The following KLF16 variants were observed in gnomAD, a reference collection of about 807,000 sequenced individuals.
KLF16 encodes KLF transcription factor 16.
Under a neutral mutation model 6.1 loss-of-function variants are expected in KLF16, and 6 were observed. That is an observed-to-expected ratio of 0.98 (90% CI 0.54 to 1.93). The LOEUF is 1.93. Ranked by LOEUF, KLF16 falls within the 30% of genes most tolerant of loss-of-function variation. The probability of loss-of-function intolerance (pLI) is 0.01; values close to 1 mark genes in which losing one functional copy is unlikely to be tolerated. For missense variants in KLF16, 355 were observed against 363.8 expected (o/e 0.98, Z 0.20); for synonymous variants, 211 against 176.5 (o/e 1.20, Z -1.55).
Position 1,863,217 on chromosome 19 carries a change from G to A in KLF16, c.281C>T (p.Ala94Val). 23 of 1,124,636 alleles carry A rather than the reference G, an allele frequency of 2.0e-5. No homozygotes were observed. Among genetic ancestry groups the A allele is most frequent in the Non-Finnish European group, 2.5e-5 (23 of 915,318 alleles). 69.7% of individuals were successfully genotyped at this position (1,124,636 alleles called of 1,614,324 possible). The change falls in exon 1 of 2, where the codon GCC becomes GTC. Residue 94 changes from alanine (A) to valine (V), a missense_variant. Ala to Val is a moderately conservative substitution (Grantham distance 64). Coordinates refer to ENST00000250916, the MANE Select transcript of KLF16 (RefSeq NM_031918.4). ...GGAGGCGGGCGAGGCGCCCCCCGGGGCGGCTCCGGGTCCGCCGCGCAGGTC... is the reference window on the plus strand; with the variant it reads ...GGAGGCGGGCGAGGCGCCCCCCGGGACGGCTCCGGGTCCGCCGCGCAGGTC... ...LADLRGGPGA[A>V]PGGASPASSS... is the part of the protein sequence containing the mutation.
rs1482672981 is a variant in KLF16, at chr19:1,857,215, T to G, written c.458-2455A>C. ...GGGTGCACGGGCTACCCACCCACGC[T>G]GCGCTGGGCGAAGCGCCTCTGCGAA... is the stretch of plus-strand genomic sequence containing the variant. On this transcript the variant is annotated intron_variant, in intron 1 of 1. Coordinates refer to ENST00000250916, the MANE Select transcript of KLF16 (RefSeq NM_031918.4). The surrounding 1 kb of genome is among the most constrained non-coding windows in gnomAD (Gnocchi z 4.7). 6.6e-6 allele frequency among the ~76,000 whole-genome samples: 1 copy of G among 152,166 alleles called. No individual in the cohort carries two copies. The highest frequency in any genetic ancestry group is 2.4e-5 in the African/African-American group (1 of 41,442).
chr19:1,863,488 C>T lies in KLF16; in HGVS notation c.10G>A (p.Ala4Thr). The T allele has an allele frequency of 2.9e-6, 3 of 1,022,696 alleles. No homozygotes were observed. Among genetic ancestry groups the T allele is most frequent in the South Asian group, 3.2e-5 (1 of 30,902 alleles). 63.4% of individuals were successfully genotyped at this position (1,022,696 alleles called of 1,614,324 possible). Residue 4 changes from alanine to threonine, a missense_variant, in exon 1 of 2, where the codon GCC becomes ACC. Ala to Thr is a moderately conservative substitution (Grantham distance 58). Coordinates refer to ENST00000250916, the MANE Select transcript of KLF16 (RefSeq NM_031918.4). ...GCGAAGTAATCCACGCACGCCACGG[C>T]CGCCGACATGCCGAGCAAGGGCGCG... MSA[A>T]VACVDYFAAD...
intron 1 of KLF16, among the ~76,000 whole-genome samples, chr19:1,858,170 C>G (rs560551076): frequency 2.0e-4 from 31 of 152,272 alleles, no homozygotes; most frequent in African/African-American, 7.0e-4. Context: ...GTGCCACCTG[C>G]CAGCCAAATC....
In KLF16 at chr19:1,854,770, G is replaced by A. The variant is rs1424928417; in HGVS notation, c.458-10C>T. Reference sequence around the variant, plus strand: ...GCAAAAGGGCGTTCCCCTGGACGGAGAGACAGAGACAGACAGCGGGTCAGC... The same window carrying A: ...GCAAAAGGGCGTTCCCCTGGACGGAAAGACAGAGACAGACAGCGGGTCAGC... On this transcript the variant is annotated splice_polypyrimidine_tract_variant and intron_variant, in intron 1 of 1. Coordinates refer to ENST00000250916, the MANE Select transcript of KLF16 (RefSeq NM_031918.4). 1.3e-6 allele frequency: 2 copies of A among 1,597,236 alleles called. No individual in the cohort carries two copies. Among genetic ancestry groups the A allele is most frequent in the South Asian group, 2.2e-5 (2 of 90,808 alleles).
chr19:1,867,552 C>T (rs757317809), upstream of KLF16, among the ~76,000 whole-genome samples: 1 of 152,000 alleles, frequency 6.6e-6, no homozygotes, highest in African/African-American at 2.4e-5. Context: ...GGCAACAGAG[C>T]GAGATCCTGT....
chr19:1,873,372 C>A, the KLF16 span, among the ~76,000 whole-genome samples: 1 of 152,202 alleles, frequency 6.6e-6, no homozygotes, highest in Admixed American at 6.5e-5. Flanking sequence ...TAGCCCACAT[C>A]TCAGGCAAGC....
At position 1,857,280 on chromosome 19, in the gene KLF16, G is replaced by A. The variant is rs2011973192; in HGVS notation, c.458-2520C>T. Among the ~76,000 whole-genome samples the A allele has an allele frequency of 6.6e-6, 1 of 152,254 alleles. No individual in the cohort carries two copies. Among genetic ancestry groups the A allele is most frequent in the South Asian group, 2.1e-4 (1 of 4,838 alleles). On this transcript the variant is annotated intron_variant, in intron 1 of 1. Transcript: ENST00000250916. The surrounding 1 kb of genome is among the most constrained non-coding windows in gnomAD (Gnocchi z 4.7). Reference sequence around the variant, plus strand: ...CTCGCACACAATCCACTCGCAGGGAGGAGGGTGGGGTGAACTTGTGGGGGC... The same window carrying A: ...CTCGCACACAATCCACTCGCAGGGAAGAGGGTGGGGTGAACTTGTGGGGGC...
chr19:1,872,503 G>A, the KLF16 span, among the ~76,000 whole-genome samples: 1 of 152,202 alleles, frequency 6.6e-6, no homozygotes, highest in Admixed American at 6.5e-5. Context: ...GCCTGGGCCT[G>A]TTCCCTCCGT....
At chr19:1,874,032 T>C in the KLF16 span, among the ~76,000 whole-genome samples, 1 of 152,224 alleles carries the variant, frequency 6.6e-6, no homozygotes, top group Non-Finnish European at 1.5e-5. Context: ...CGGCCCCAAA[T>C]ACTTCGATTT....
upstream of KLF16, among the ~76,000 whole-genome samples, chr19:1,867,210 G>A (rs747573200): frequency 6.8e-4 from 104 of 152,216 alleles, no homozygotes; most frequent in Non-Finnish European, 6.6e-4. Context: ...GACAGATGAG[G>A]GCAGAGGTCA....
In KLF16 at chr19:1,863,099, G is replaced by A. The variant is rs776758924; in HGVS notation, c.399C>T (p.Asp133=). 42 of 1,398,346 alleles carry A rather than the reference G, an allele frequency of 3.0e-5. 1 individual carries two copies. In the South Asian group the frequency reaches 5.2e-4, roughly 17 times the overall value. 86.6% of individuals were successfully genotyped at this position (1,398,346 alleles called of 1,614,324 possible). A position where few individuals can be genotyped will look rare whatever the true frequency, so the allele number is the denominator to read the frequency against. The change falls in exon 1 of 2, where the codon GAC becomes GAT. Residue 133 remains aspartate (D), a synonymous_variant. Coordinates refer to ENST00000250916, the MANE Select transcript of KLF16 (RefSeq NM_031918.4). ...AAKSHRCPFP[D]CAKAYYKSSH... is the part of the protein sequence containing the mutation. Reference sequence around the variant, plus strand: ...AGGACTTGTAGTAGGCTTTGGCGCAGTCCGGGAAGGGACAGCGGTGGCTCT... The same window carrying A: ...AGGACTTGTAGTAGGCTTTGGCGCAATCCGGGAAGGGACAGCGGTGGCTCT...
rs1409851769 is a variant in KLF16, at chr19:1,857,132, C to A, written c.458-2372G>T. ...CCTCTCCGGCCTGGGTGCCTGCCAG[C>A]CCCGCCCCGCGCTTGGAGACTGAGG... is the stretch of plus-strand genomic sequence containing the variant. On this transcript the variant is annotated intron_variant, in intron 1 of 1. Coordinates refer to ENST00000250916, the MANE Select transcript of KLF16 (RefSeq NM_031918.4). The surrounding 1 kb of genome is among the most constrained non-coding windows in gnomAD (Gnocchi z 4.7). Among the ~76,000 whole-genome samples, 1 of 152,132 alleles carries A rather than the reference C, an allele frequency of 6.6e-6. No homozygotes were observed. The highest frequency in any genetic ancestry group is 2.4e-5 in the African/African-American group (1 of 41,414).
chr19:1,867,832 A>G (rs1450262103), upstream of KLF16, among the ~76,000 whole-genome samples: 2 of 152,082 alleles, frequency 1.3e-5, no homozygotes, highest in Non-Finnish European at 2.9e-5. Context: ...GTACTACTGC[A>G]CTCCAGCCTG....
chr19:1,873,354 G>T, the KLF16 span, among the ~76,000 whole-genome samples: 1 of 152,168 alleles, frequency 6.6e-6, no homozygotes, highest in Admixed American at 6.5e-5. Context: ...TGACCCACTG[G>T]AAGGGCCTAG....
rs1055703450 is a variant in KLF16, at chr19:1,853,939, C to G, written c.*520G>C. ...AGTACCCGAATGGGGGGTGGCTGGGCTGCACCCCCATTTCCCTGAACTACT... is the reference window on the plus strand; with the variant it reads ...AGTACCCGAATGGGGGGTGGCTGGGGTGCACCCCCATTTCCCTGAACTACT... On this transcript the variant is annotated 3_prime_UTR_variant, in exon 2 of 2. Transcript: ENST00000250916. 1.4e-5 allele frequency: 2 copies of G among 142,570 alleles called. No individual in the cohort carries two copies. The highest frequency in any genetic ancestry group is 1.5e-5 in the Non-Finnish European group (1 of 65,150). 8.8% of individuals were successfully genotyped at this position (142,570 alleles called of 1,614,324 possible).
intron 1 of KLF16, 98 bp from the exon 2 acceptor site, chr19:1,854,858 C>T (rs1247121260): frequency 2.9e-6 from 4 of 1,364,450 alleles, no homozygotes; most frequent in Non-Finnish European, 4.0e-6. Flanking sequence ...GCATTTGTCC[C>T]GTGCCGTTTT....
At chr19:1,864,952 C>T (rs2012161864), upstream of KLF16, among the ~76,000 whole-genome samples, 1 of 152,236 alleles carries the variant, frequency 6.6e-6, no homozygotes, top group Non-Finnish European at 1.5e-5. Flanking sequence ...CGACCTCCTG[C>T]TCTGGGTTGG....
upstream of KLF16, among the ~76,000 whole-genome samples, chr19:1,867,927 CGTGTGTGTGTGTGT>C (rs71174389): frequency 5.1e-4 from 76 of 147,978 alleles, 1 homozygote; most frequent in South Asian, 0.013. Flanking sequence ...TATGTAAGGA[CGTGTGTGTGTGTGT>C]GTGTGTGTGT....
upstream of KLF16, among the ~76,000 whole-genome samples, chr19:1,867,927 C>CGTGTGTGTGTGTGTGTGTGT (rs71174389): frequency 5.4e-5 from 8 of 147,866 alleles, no homozygotes; most frequent in Non-Finnish European, 8.9e-5. Flanking sequence ...TATGTAAGGA[C>CGTGTGTGTGTGTGTGTGTGT]GTGTGTGTGT....
Sources: gnomAD v4.1 joint callset for allele counts (sites outside exome capture counted in the v4.1 genomes callset) on GRCh38, gnomAD v4.1.1 for gene constraint, Gnocchi (gnomAD v3.1) non-coding constraint, MANE v1.5 for transcripts, NCBI Gene and HGNC (gene_info 2026-07-23, HGNC 2026-07-21) for gene names.